Variants in VLDLR observed in about 807,000 individuals in gnomAD.
VLDLR encodes the protein very low density lipoprotein receptor.
Under a neutral mutation model 112.7 loss-of-function variants are expected in VLDLR, and 81 were observed. The ratio of observed to expected loss-of-function variants is 0.72; its 90% CI spans 0.60 to 0.86. The LOEUF is 0.86. Among genes scored for constraint, VLDLR ranks in the 40% least tolerant of loss-of-function variants. The probability of loss-of-function intolerance (pLI) is 0.00; values close to 1 mark genes in which losing one functional copy is unlikely to be tolerated. For synonymous variants in VLDLR, 436 were observed against 384.8 expected (o/e 1.13, Z -1.56); for missense variants, 1,237 against 1,099.4 (o/e 1.13, Z -1.77).
intron 1 of VLDLR, among the ~76,000 whole-genome samples, chr9:2,622,580 G>A (rs957226512): frequency 1.3e-5 from 2 of 152,238 alleles, no homozygotes; most frequent in Admixed American, 6.5e-5. Context: ...CGGGCGCCGA[G>A]GTGCGTGGGC....
At chr9:2,623,234 G>A (rs573682231) in intron 1 of VLDLR, among the ~76,000 whole-genome samples, 18 of 152,202 alleles carry the variant, frequency 1.2e-4, no homozygotes, top group East Asian at 5.8e-4. Context: ...GGGCCTGGGG[G>A]CCCCGCCTGG....
rs1818559638 is a variant in VLDLR, at chr9:2,655,450, T to C, written c.*1582T>C. 6.6e-6 allele frequency: 1 copy of C among 152,154 alleles called. No individual in the cohort carries two copies. The highest frequency in any genetic ancestry group is 1.5e-5 in the Non-Finnish European group (1 of 68,028). The allele number at this position is 152,154 out of a possible 1,614,324, so 9.4% of individuals were successfully genotyped here. On this transcript the variant is annotated 3_prime_UTR_variant, in exon 19 of 19. Coordinates refer to ENST00000382100, the MANE Select transcript of VLDLR (RefSeq NM_003383.5). ...GAGTTGGCTGTGGAAGGTACAGCAA[T>C]TCCTCTGGAATTAAATGACCGACCA...
intron 1 of VLDLR, among the ~76,000 whole-genome samples, chr9:2,622,865 C>A (rs1816889838): frequency 1.3e-5 from 2 of 152,140 alleles, no homozygotes; most frequent in South Asian, 2.1e-4. Context: ...GCGACTCCCC[C>A]GGCGCGGGGC....
intron 18 of VLDLR, 83 bp downstream of exon 18, chr9:2,653,032 A>T: frequency 6.4e-7 from 1 of 1,558,502 alleles, no homozygotes; most frequent in Non-Finnish European, 8.8e-7. Flanking sequence ...AGAGAGAGCC[A>T]TTAGGATGAT....
At chr9:2,631,613 T>G (rs1817354617) in intron 1 of VLDLR, among the ~76,000 whole-genome samples, 1 of 152,118 alleles carries the variant, frequency 6.6e-6, no homozygotes, top group Non-Finnish European at 1.5e-5. Context: ...GCTTAAATAT[T>G]TCATTCCATG....
In VLDLR at chr9:2,635,546, T is replaced by G. The variant is rs1179338147; in HGVS notation, c.176T>G (p.Val59Gly). 1.2e-6 allele frequency: 2 copies of G among 1,614,182 alleles called. No individual in the cohort carries two copies. The highest frequency in any genetic ancestry group is 4.5e-5 in the East Asian group (2 of 44,884). ...AAATGTGATGGGGATGAAGACTGTG[T>G]TGACGGCAGTGATGAAAAGAACTGT... Reference protein sequence around the residue: ...LWKCDGDEDCVDGSDEKNCVK... With the variant: ...LWKCDGDEDCGDGSDEKNCVK... The change falls in exon 2 of 19, where the codon GTT becomes GGT. Residue 59 changes from valine (V) to glycine (G), a missense_variant. Transcript: ENST00000382100.
intron 3 of VLDLR, among the ~76,000 whole-genome samples, chr9:2,641,032 G>T (rs1817798373): frequency 1.3e-5 from 2 of 152,196 alleles, no homozygotes; most frequent in African/African-American, 4.8e-5. Context: ...ACAATATCTA[G>T]GTGTGCCCAC....
chr9:2,644,052 A>G, intron 7 of VLDLR, 93 bp downstream of exon 7: 1 of 1,585,074 alleles, frequency 6.3e-7, no homozygotes, highest in South Asian at 1.1e-5. Flanking sequence ...TGGCTAGTTA[A>G]ACTTTTGAAT....
chr9:2,655,512 G>C lies in VLDLR; in HGVS notation c.*1644G>C, dbSNP rs978599159. 3 of 152,122 alleles carry C rather than the reference G, an allele frequency of 2.0e-5. No individual in the cohort carries two copies. Among genetic ancestry groups the C allele is most frequent in the Non-Finnish European group, 2.9e-5 (2 of 68,042 alleles). 9.4% of individuals were successfully genotyped at this position (152,122 alleles called of 1,614,324 possible). A position where few individuals can be genotyped will look rare whatever the true frequency, so the allele number is the denominator to read the frequency against. The stretch of plus-strand genomic sequence containing the variant: ...AGAGGATGAAGAGAAGATGTTTTGC[G>C]TTGCTACGTGAATCAGTGGATGACT... On this transcript the variant is annotated 3_prime_UTR_variant, in exon 19 of 19. Coordinates refer to ENST00000382100, the MANE Select transcript of VLDLR (RefSeq NM_003383.5).
chr9:2,647,788 C>T (rs1186331648), intron 12 of VLDLR, 196 bp downstream of exon 12: 6 of 661,772 alleles, frequency 9.1e-6, no homozygotes, highest in Non-Finnish European at 1.6e-5. Context: ...AATTACTGGC[C>T]TGTTGTCCAG....
In VLDLR at chr9:2,654,107, T is replaced by TAGAC. The variant is rs1233047403; in HGVS notation, c.*242_*245dup. The TAGAC allele has an allele frequency of 7.7e-6, 4 of 519,270 alleles. No individual in the cohort carries two copies. Among genetic ancestry groups the TAGAC allele is most frequent in the Non-Finnish European group, 1.0e-5 (3 of 287,220 alleles). The allele number at this position is 519,270 out of a possible 1,614,324, so 32.2% of individuals were successfully genotyped here. ...CGAGTATCTGTAACCCTTGAATTTC[T>TAGAC]AGACAGTATTGCCACCTCTGGCCAA... On this transcript the variant is annotated 3_prime_UTR_variant, in exon 19 of 19. Coordinates refer to ENST00000382100, the MANE Select transcript of VLDLR (RefSeq NM_003383.5).
chr9:2,647,507 T>C lies in VLDLR; in HGVS notation c.1737T>C (p.Ala579=), dbSNP rs1818127086. The change falls in exon 12 of 19, where the codon GCT becomes GCC. Residue 579 remains alanine (A), a synonymous_variant. Coordinates refer to ENST00000382100, the MANE Select transcript of VLDLR (RefSeq NM_003383.5). ...FVYWSDWGEP[A]KIEKAGMNGF... Reference sequence around the variant, plus strand: ...ACTGGTCAGACTGGGGTGAACCAGCTAAAATAGAAAAAGCAGGAATGAATG... The same window carrying C: ...ACTGGTCAGACTGGGGTGAACCAGCCAAAATAGAAAAAGCAGGAATGAATG... 1 of 1,614,146 alleles carries C rather than the reference T, an allele frequency of 6.2e-7. No homozygotes were observed. The highest frequency in any genetic ancestry group is 1.3e-5 in the African/African-American group (1 of 75,044).
intron 4 of VLDLR, 62 bp from the exon 5 acceptor site, chr9:2,643,098 A>G (rs1817893872): frequency 6.3e-7 from 1 of 1,597,688 alleles, no homozygotes. Flanking sequence ...AGATTTTGGG[A>G]CAAGAATCTT....
chr9:2,646,363 A>G lies in VLDLR; in HGVS notation c.1514A>G (p.His505Arg). 1 of 1,614,206 alleles carries G rather than the reference A, an allele frequency of 6.2e-7. No homozygotes were observed. Among genetic ancestry groups the G allele is most frequent in the Non-Finnish European group, 8.5e-7 (1 of 1,180,020 alleles). ...TCAATTGATGACAAGGTTGGTAGACATGTTAAAATGATCGACAATGTCTAT... is the reference window on the plus strand; with the variant it reads ...TCAATTGATGACAAGGTTGGTAGACGTGTTAAAATGATCGACAATGTCTAT... Reference protein sequence around the residue: ...SASIDDKVGRHVKMIDNVYNP... With the variant: ...SASIDDKVGRRVKMIDNVYNP... The change falls in exon 11 of 19, where the codon CAT (histidine) becomes CGT (arginine). Residue 505 changes from histidine to arginine, a missense_variant. Coordinates refer to ENST00000382100, the MANE Select transcript of VLDLR (RefSeq NM_003383.5).
At chr9:2,645,918 T>C (rs1229606498) in intron 10 of VLDLR, among the ~76,000 whole-genome samples, 173 bp downstream of exon 10, 3 of 152,216 alleles carry the variant, frequency 2.0e-5, no homozygotes, top group Non-Finnish European at 4.4e-5. Context: ...ACTTCCTAAT[T>C]AGAAACTAAC....
rs371896221 is a variant in VLDLR at position 2,623,062 on chromosome 9, C to T, written c.82+791C>T. ...AGGTTAGTTTGCTGACCCTCCTTCC[C>T]GGTGACGTTTCCTCGAGAGGAATTG... On this transcript the variant is annotated intron_variant, in intron 1 of 18. Coordinates refer to ENST00000382100, the MANE Select transcript of VLDLR (RefSeq NM_003383.5). 6.0e-4 allele frequency among the ~76,000 whole-genome samples: 92 copies of T among 152,358 alleles called. 1 individual carries two copies. The highest frequency in any genetic ancestry group is 2.1e-3 in the African/African-American group (89 of 41,586).
At chr9:2,631,114 A>T (rs1213176848) in intron 1 of VLDLR, among the ~76,000 whole-genome samples, 1 of 152,252 alleles carries the variant, frequency 6.6e-6, no homozygotes, top group Non-Finnish European at 1.5e-5. Context: ...CCAAAATGAC[A>T]TATAATCTTA....
chr9:2,653,839 G>A lies in VLDLR; in HGVS notation c.2593G>A (p.Val865Ile), dbSNP rs1235715668. Reference sequence around the variant, plus strand: ...TACTTCTTCTTTTCCACAGATATCAGTTGTAAGCACAGATGATGATCTAGC... The same window carrying A: ...TACTTCTTCTTTTCCACAGATATCAATTGTAAGCACAGATGATGATCTAGC... ...SVGHTYPAIS[V>I]VSTDDDLA is the part of the protein sequence containing the mutation. The change falls in exon 19 of 19, where the codon GTT becomes ATT. Residue 865 changes from valine (V) to isoleucine (I), a missense_variant. Coordinates refer to ENST00000382100, the MANE Select transcript of VLDLR (RefSeq NM_003383.5). 1.2e-6 allele frequency: 2 copies of A among 1,613,862 alleles called. No homozygotes were observed. The highest frequency in any genetic ancestry group is 1.7e-6 in the Non-Finnish European group (2 of 1,179,842).
At chr9:2,636,972 G>C (rs1007597461) in intron 2 of VLDLR, among the ~76,000 whole-genome samples, 4 of 152,122 alleles carry the variant, frequency 2.6e-5, no homozygotes. Context: ...GGGTCAACTT[G>C]GGATTTTTCT....
Sources: allele counts gnomAD v4.1 joint callset (sites outside exome capture counted in the v4.1 genomes callset), GRCh38; gene constraint gnomAD v4.1.1; transcripts MANE v1.5; gene names NCBI Gene and HGNC (gene_info 2026-07-23, HGNC 2026-07-21).